Variants in MYO3A observed in about 807,000 individuals in gnomAD.
MYO3A encodes the protein myosin IIIA.
A neutral mutation model predicts 192.7 loss-of-function variants in MYO3A; 180 were observed. The observed-to-expected ratio is 0.93, with a 90% confidence interval of 0.83 to 1.06. The LOEUF (loss-of-function observed/expected upper bound fraction) is 1.06, where lower values mean the gene tolerates loss of function less well. Ranked by LOEUF, MYO3A falls within the 50% of genes least tolerant of loss-of-function variation. MYO3A has a pLI of 0.00. For synonymous variants in MYO3A, 628 were observed against 645.3 expected (o/e 0.97, Z 0.41); for missense variants, 1,896 against 1,905.0 (o/e 1.00, Z 0.09).
chr10:26,178,037 G>C (rs564012010), intron 31 of MYO3A, among the ~76,000 whole-genome samples: 1 of 152,246 alleles, frequency 6.6e-6, no homozygotes, highest in Non-Finnish European at 1.5e-5. Context: ...CTGCTGTGAA[G>C]AAGAGAGACT....
At chr10:26,116,821 A>G (rs1203329446) in intron 17 of MYO3A, among the ~76,000 whole-genome samples, 1 of 151,968 alleles carries the variant, frequency 6.6e-6, no homozygotes, top group African/African-American at 2.4e-5. Context: ...CTTGATCCCT[A>G]CTCCATAGAT....
chr10:26,135,307 G>A (rs983803999), intron 20 of MYO3A, among the ~76,000 whole-genome samples: 2 of 151,634 alleles, frequency 1.3e-5, no homozygotes, highest in South Asian at 4.2e-4. Flanking sequence ...TTCTTCATAG[G>A]ATATTACTTT....
chr10:26,090,583 A>G (rs1278418967), intron 15 of MYO3A, among the ~76,000 whole-genome samples: 3 of 152,182 alleles, frequency 2.0e-5, no homozygotes, highest in South Asian at 2.1e-4. Context: ...CCATTTTTAT[A>G]TCTGTTTTTT....
At chr10:26,181,799 T>G (rs1358003639) in intron 31 of MYO3A, among the ~76,000 whole-genome samples, 2 of 148,674 alleles carry the variant, frequency 1.3e-5, no homozygotes, top group Non-Finnish European at 3.0e-5. Flanking sequence ...CCCACTGAAT[T>G]AGTTTATATC....
At chr10:26,053,984 G>T (rs1363621605) in intron 10 of MYO3A, among the ~76,000 whole-genome samples, 1 of 152,164 alleles carries the variant, frequency 6.6e-6, no homozygotes, top group East Asian at 1.9e-4. Flanking sequence ...GCAGAGAGAA[G>T]AGTCAGCCTT....
chr10:26,153,974 C>A, intron 24 of MYO3A, 45 bp downstream of exon 24: 1 of 1,328,436 alleles, frequency 7.5e-7, no homozygotes, highest in Admixed American at 1.7e-5. Context: ...AAGAATCTAA[C>A]CGGTATGATG....
chr10:26,114,079 T>C (rs750953720), intron 17 of MYO3A, among the ~76,000 whole-genome samples: 15 of 152,202 alleles, frequency 9.9e-5, no homozygotes, highest in Non-Finnish European at 2.2e-4. Flanking sequence ...CATCCCATCC[T>C]GGGTTCCCTC....
At chr10:26,208,945 A>C (rs1299112404) in intron 34 of MYO3A, among the ~76,000 whole-genome samples, 1 of 152,202 alleles carries the variant, frequency 6.6e-6, no homozygotes, top group African/African-American at 2.4e-5. Context: ...AATCCCACTT[A>C]AAATTATGGC....
chr10:26,186,584 C>T (rs1302814682), intron 31 of MYO3A, among the ~76,000 whole-genome samples: 1 of 152,136 alleles, frequency 6.6e-6, no homozygotes. Context: ...TCTTTTTAAT[C>T]TTTGCTAATG....
intron 4 of MYO3A, among the ~76,000 whole-genome samples, chr10:25,994,697 A>G (rs1307012807): frequency 1.3e-5 from 2 of 152,050 alleles, no homozygotes; most frequent in Non-Finnish European, 2.9e-5. Flanking sequence ...TCTTTTAGGG[A>G]AGGCCTGGTG....
At chr10:26,076,842 C>G (rs185425788) in intron 14 of MYO3A, among the ~76,000 whole-genome samples, 15 of 152,078 alleles carry the variant, frequency 9.9e-5, no homozygotes, top group Non-Finnish European at 1.5e-4. Flanking sequence ...CTATTTTGTT[C>G]CATTGGTCTA....
intron 4 of MYO3A, among the ~76,000 whole-genome samples, chr10:25,972,728 A>G (rs1413212551): frequency 6.6e-6 from 1 of 152,164 alleles, no homozygotes; most frequent in Non-Finnish European, 1.5e-5. Flanking sequence ...CTGGAATGAC[A>G]GTGATTTTAA....
intron 10 of MYO3A, among the ~76,000 whole-genome samples, chr10:26,038,772 G>A (rs988981258): frequency 6.6e-6 from 1 of 152,110 alleles, no homozygotes; most frequent in Admixed American, 6.5e-5. Flanking sequence ...TTAGAGGAAA[G>A]GCTTTAAATT....
intron 4 of MYO3A, among the ~76,000 whole-genome samples, chr10:25,975,934 C>T (rs890347737): frequency 2.0e-5 from 3 of 152,166 alleles, no homozygotes; most frequent in Non-Finnish European, 4.4e-5. Flanking sequence ...AAAGTGTACC[C>T]ACCCAATTTA....
At chr10:25,967,050 C>G (rs1024935095) in intron 4 of MYO3A, among the ~76,000 whole-genome samples, 2 of 152,156 alleles carry the variant, frequency 1.3e-5, no homozygotes, top group Non-Finnish European at 2.9e-5. Context: ...ATCAAAGCAA[C>G]TGTTGCTGCA....
In MYO3A at chr10:26,174,556, AG is replaced by A; in HGVS notation, c.4293+1del. On this transcript the variant is annotated frameshift_variant and splice_region_variant, in exon 30 of 35. Coordinates refer to ENST00000642920, the MANE Select transcript of MYO3A (RefSeq NM_017433.5). LOFTEE classifies it high-confidence loss of function. ...EACGLAIFSK[Q>X]ISKLSEEYFI... ...TGTGGTTTGGCAATTTTTTCAAAAC[AG>A]GTATGTGAATAAATAAATTTATTTA... 1 of 1,612,008 alleles carries A rather than the reference AG, an allele frequency of 6.2e-7. No individual in the cohort carries two copies. Among genetic ancestry groups the A allele is most frequent in the Non-Finnish European group, 8.5e-7 (1 of 1,178,532 alleles).
chr10:25,973,117 C>T (rs141388562), intron 4 of MYO3A, among the ~76,000 whole-genome samples: 253 of 152,222 alleles, frequency 1.7e-3, no homozygotes, highest in African/African-American at 5.9e-3. Flanking sequence ...TCCATGTGGA[C>T]GGAATAGTTT....
intron 4 of MYO3A, among the ~76,000 whole-genome samples, chr10:25,988,998 A>G (rs1839842349): frequency 7.5e-6 from 1 of 133,240 alleles, no homozygotes; most frequent in Non-Finnish European, 1.5e-5. Flanking sequence ...TCTGTCGCCT[A>G]GGCTGGGGTG....
At chr10:25,997,975 C>T (rs1283794973) in intron 6 of MYO3A, among the ~76,000 whole-genome samples, 1 of 152,154 alleles carries the variant, frequency 6.6e-6, no homozygotes, top group Admixed American at 6.5e-5. Flanking sequence ...GTCTCAGTAT[C>T]CTTCAGTCGT....
Sources: allele counts gnomAD v4.1 joint callset (sites outside exome capture counted in the v4.1 genomes callset), GRCh38; gene constraint gnomAD v4.1.1; transcripts MANE v1.5; gene names NCBI Gene and HGNC (gene_info 2026-07-23, HGNC 2026-07-21).